COPE: variants seen among roughly 807,000 people sequenced by gnomAD.
COPE encodes the protein coat protein complex I subunit epsilon.
In COPE, 19 loss-of-function variants were observed where a neutral mutation model predicts 42.1. The ratio of observed to expected loss-of-function variants is 0.45; its 90% confidence interval spans 0.31 to 0.66. COPE has a LOEUF of 0.66. Ranked by LOEUF, COPE falls within the 30% of genes least tolerant of loss-of-function variation. The pLI, the probability that COPE is intolerant of heterozygous loss-of-function variation, is 0.05. For missense variants in COPE, 402 were observed against 416.1 expected, an observed-to-expected ratio of 0.97 and a Z score of 0.30; for synonymous variants, 195 against 181.3, an observed-to-expected ratio of 1.08 and a Z score of -0.60.
chr19:18,901,992 A>G (rs1043252823), intron 7 of COPE, among the ~76,000 whole-genome samples: 2 of 152,032 alleles, frequency 1.3e-5, no homozygotes, highest in Non-Finnish European at 2.9e-5. Context: ...CATCCTGGCT[A>G]ACACAGCAAA....
At chr19:18,905,764 G>T in intron 4 of COPE, 135 bp from the exon 5 acceptor site, 2 of 806,214 alleles carry the variant, frequency 2.5e-6, no homozygotes, top group African/African-American at 1.8e-5. Flanking sequence ...CCGCCCAGCA[G>T]AGGAGGACAC....
chr19:18,905,516 CTGGG>C, intron 5 of COPE, 56 bp downstream of exon 5: 2 of 1,506,088 alleles, frequency 1.3e-6, no homozygotes, highest in Non-Finnish European at 1.8e-6. Flanking sequence ...CTGTGACGCT[CTGGG>C]CTGTGACGCT....
chr19:18,918,023 T>C (rs1182224098), intron 1 of COPE, among the ~76,000 whole-genome samples: 5 of 151,268 alleles, frequency 3.3e-5, no homozygotes, highest in Middle Eastern at 3.4e-3. Flanking sequence ...ACCCCGTCTC[T>C]ACTAAAAATA....
At chr19:18,900,321 C>T in intron 8 of COPE, 60 bp downstream of exon 8, 9 of 1,402,740 alleles carry the variant, frequency 6.4e-6, no homozygotes, top group Non-Finnish European at 8.7e-6. Context: ...GCCTGGACCC[C>T]AGGCTGGGGT....
rs752181753 is a variant in COPE at position 18,911,044 on chromosome 19, T to C, written c.217A>G (p.Ile73Val). ...QRKFGVVLDEIKPSSAPELQA... is the reference protein window; with the variant it reads ...QRKFGVVLDEVKPSSAPELQA... ...AGCTCAGGGGCCGAGGAGGGCTTGA[T>C]CTCATCCAGGACCACACCGAACTTC... is the stretch of plus-strand genomic sequence containing the variant. Residue 73 changes from isoleucine (I) to valine (V), a missense_variant, in exon 3 of 10, where the codon ATC becomes GTC. Physicochemically the swap from Ile to Val is conservative, Grantham distance 29 (BLOSUM62 3). Transcript: ENST00000262812. 7.4e-6 allele frequency: 12 copies of C among 1,613,746 alleles called. No homozygotes were observed. Among genetic ancestry groups the C allele is most frequent in the Non-Finnish European group, 1.0e-5 (12 of 1,179,976 alleles).
At chr19:18,907,244 C>T (rs759184749) in intron 3 of COPE, 132 bp from the exon 4 acceptor site, 93 of 918,066 alleles carry the variant, frequency 1.0e-4, no homozygotes, top group Non-Finnish European at 1.1e-4. Flanking sequence ...AGCAGCAGGC[C>T]GAGCATCGAG....
At chr19:18,912,067 G>A (rs937965620) in intron 2 of COPE, among the ~76,000 whole-genome samples, 20 of 151,458 alleles carry the variant, frequency 1.3e-4, no homozygotes, top group Admixed American at 7.9e-4. Context: ...GGCTGGTCTC[G>A]AACTCCTGAC....
At position 18,919,210 on chromosome 19, in the gene COPE, T is replaced by C; in HGVS notation, c.126+13A>G. 3.1e-6 allele frequency: 5 copies of C among 1,605,064 alleles called. No individual in the cohort carries two copies. Among genetic ancestry groups the C allele is most frequent in the Non-Finnish European group, 4.3e-6 (5 of 1,174,958 alleles). On this transcript the variant is annotated intron_variant, in intron 1 of 9. Coordinates refer to ENST00000262812, the MANE Select transcript of COPE (RefSeq NM_007263.4). ...TCCGCCCCCAGCGTCCCCGCGCCCC[T>C]GCGCGGCCGCACCTTCACCCGCTGC...
At chr19:18,900,319 C>G in intron 8 of COPE, 62 bp downstream of exon 8, 2 of 1,384,758 alleles carry the variant, frequency 1.4e-6, no homozygotes, top group Non-Finnish European at 2.0e-6. Context: ...GGGCCTGGAC[C>G]CCAGGCTGGG....
rs772768198 is a variant in COPE, at chr19:18,919,247, G to C, written c.102C>G (p.Cys34Trp). 2 of 1,613,630 alleles carry C rather than the reference G, an allele frequency of 1.2e-6. No homozygotes were observed. The highest frequency in any genetic ancestry group is 8.5e-7 in the Non-Finnish European group (1 of 1,179,938). The change falls in exon 1 of 10, where the codon TGC becomes TGG. Residue 34 changes from cysteine to tryptophan, a missense_variant. Physicochemically the swap from Cys to Trp is radical, Grantham distance 215. Coordinates refer to ENST00000262812, the MANE Select transcript of COPE (RefSeq NM_007263.4). ...NAFYIGSYQQ[C>W]INEAQRVKLS... ...CCTTCACCCGCTGCGCCTCGTTTAT[G>C]CACTGCTGGTAGCTGCCGATGTAGA...
intron 8 of COPE, 40 bp from the exon 9 acceptor site, chr19:18,899,987 G>A (rs1224175244): frequency 2.5e-6 from 4 of 1,584,544 alleles, no homozygotes; most frequent in Admixed American, 3.4e-5. Context: ...CGAACACGGG[G>A]ACCCCACGGT....
chr19:18,903,489 TC>T, intron 6 of COPE, 66 bp from the exon 7 acceptor site: 1 of 1,507,772 alleles, frequency 6.6e-7, no homozygotes, highest in Non-Finnish European at 8.9e-7. Context: ...GCCAGCCCCC[TC>T]CCCTAGCGGG....
chr19:18,918,899 G>A (rs1322280486), intron 1 of COPE, among the ~76,000 whole-genome samples: 2 of 152,242 alleles, frequency 1.3e-5, no homozygotes, highest in Non-Finnish European at 2.9e-5. Context: ...ATGAGGATAA[G>A]CAACAGTCTC....
At chr19:18,901,383 A>G (rs1192305412) in intron 7 of COPE, among the ~76,000 whole-genome samples, 1 of 152,272 alleles carries the variant, frequency 6.6e-6, no homozygotes, top group Non-Finnish European at 1.5e-5. Flanking sequence ...GGAGGGCGCC[A>G]GTCTTGCCCC....
chr19:18,908,494 TGG>T (rs914982377), intron 3 of COPE, among the ~76,000 whole-genome samples: 2 of 149,334 alleles, frequency 1.3e-5, no homozygotes, highest in Non-Finnish European at 3.0e-5. Context: ...GAGACCAGCC[TGG>T]GCAACATGGC....
chr19:18,910,939 G>A (rs776759560), intron 3 of COPE, 32 bp downstream of exon 3: 118 of 1,595,212 alleles, frequency 7.4e-5, no homozygotes, highest in Non-Finnish European at 9.2e-5. Flanking sequence ...ATGGCCCCGC[G>A]CCTCAGGCCA....
intron 1 of COPE, among the ~76,000 whole-genome samples, chr19:18,917,832 C>T (rs8103591): frequency 0.039 from 5,905 of 152,054 alleles, 367 homozygotes; most frequent in African/African-American, 0.13. Context: ...CATTCCTTTC[C>T]CTTCAGGTGC....
intron 2 of COPE, 25 bp downstream of exon 2, chr19:18,912,959 G>T: frequency 6.2e-7 from 1 of 1,609,324 alleles, no homozygotes; most frequent in South Asian, 1.1e-5. Context: ...CATCACTCTT[G>T]CCCCCGGCCA....
At chr19:18,906,791 T>G (rs898388246) in intron 4 of COPE, 169 bp downstream of exon 4, 18 of 744,184 alleles carry the variant, frequency 2.4e-5, no homozygotes, top group Middle Eastern at 4.0e-4. Context: ...TGGGAGTGCC[T>G]CCCACACTGG....
Sources: allele counts gnomAD v4.1 joint callset (sites outside exome capture counted in the v4.1 genomes callset), GRCh38; gene constraint gnomAD v4.1.1; transcripts MANE v1.5; gene names NCBI Gene and HGNC (gene_info 2026-07-23, HGNC 2026-07-21).